The following PDE1C variants were observed in gnomAD, a reference collection of about 807,000 sequenced individuals.
PDE1C encodes phosphodiesterase 1C.
A neutral mutation model predicts 93.1 loss-of-function variants in PDE1C; 62 were observed. The ratio of observed to expected loss-of-function variants is 0.67; its 90% CI spans 0.54 to 0.82. The LOEUF (loss-of-function observed/expected upper bound fraction) is 0.82. Among genes scored for constraint, PDE1C ranks in the 40% least tolerant of loss-of-function variants. The probability of loss-of-function intolerance (pLI) is 0.00; values close to 1 mark genes in which losing one functional copy is unlikely to be tolerated. For synonymous variants in PDE1C, 325 were observed against 310.1 expected (o/e 1.05, Z -0.50); for missense variants, 742 against 884.6 (o/e 0.84, Z 2.04).
At chr7:32,189,046 A>G (rs6462339) in intron 2 of PDE1C, among the ~76,000 whole-genome samples, 45,905 of 152,090 alleles carry the variant, frequency 0.3, 8,591 homozygotes, top group African/African-American at 0.52. Context: ...ATCTGTCCTT[A>G]TCCAACTGAT....
chr7:31,995,090 T>C (rs1784560416), intron 2 of PDE1C, among the ~76,000 whole-genome samples: 2 of 152,226 alleles, frequency 1.3e-5, no homozygotes, highest in South Asian at 4.1e-4. Flanking sequence ...TCTTTGCTAG[T>C]TTCATAAAAA....
chr7:32,078,409 T>C (rs1429992413), intron 3 of PDE1C, among the ~76,000 whole-genome samples: 2 of 152,278 alleles, frequency 1.3e-5, no homozygotes, highest in Admixed American at 1.3e-4. Context: ...TAAGAAAAGA[T>C]GCCCACTAAA....
chr7:32,131,872 T>C (rs1799938321), intron 3 of PDE1C, among the ~76,000 whole-genome samples: 1 of 152,244 alleles, frequency 6.6e-6, no homozygotes, highest in Admixed American at 6.5e-5. Context: ...ATGGAGTTTA[T>C]AGTTGGGAGA....
chr7:32,099,473 T>C (rs1797936075), intron 3 of PDE1C, among the ~76,000 whole-genome samples: 1 of 152,252 alleles, frequency 6.6e-6, no homozygotes, highest in Non-Finnish European at 1.5e-5. Context: ...GATTAAGAGA[T>C]ATTCCAGGTC....
intron 14 of PDE1C, among the ~76,000 whole-genome samples, chr7:31,822,082 C>A (rs996460543): frequency 8.5e-5 from 13 of 152,204 alleles, no homozygotes; most frequent in African/African-American, 2.9e-4. Flanking sequence ...GAATGAAATT[C>A]TGTAGTAATG....
intron 2 of PDE1C, among the ~76,000 whole-genome samples, chr7:32,008,461 T>G (rs1786574656): frequency 6.6e-6 from 1 of 152,176 alleles, no homozygotes; most frequent in African/African-American, 2.4e-5. Context: ...TGAACTACAC[T>G]CGAGTACAAG....
intron 1 of PDE1C, among the ~76,000 whole-genome samples, chr7:32,317,975 A>G (rs1242912900): frequency 6.6e-6 from 1 of 152,178 alleles, no homozygotes; most frequent in Non-Finnish European, 1.5e-5. Context: ...GTGATGCCTT[A>G]CCATAAAGAG....
chr7:31,931,177 C>T (rs149549895), intron 2 of PDE1C, among the ~76,000 whole-genome samples: 2 of 152,106 alleles, frequency 1.3e-5, no homozygotes, highest in African/African-American at 4.8e-5. Flanking sequence ...AAAACTGGCA[C>T]AAGACAAGGA....
At chr7:32,357,498 C>T (rs979539545) in intron 1 of PDE1C, among the ~76,000 whole-genome samples, 1 of 152,132 alleles carries the variant, frequency 6.6e-6, no homozygotes, top group Admixed American at 6.5e-5. Context: ...AGAATGGAAC[C>T]ATTTTAACAG....
At chr7:32,078,455 G>A (rs1257832777) in intron 3 of PDE1C, among the ~76,000 whole-genome samples, 1 of 152,152 alleles carries the variant, frequency 6.6e-6, no homozygotes, top group African/African-American at 2.4e-5. Context: ...CTTGAAGAAA[G>A]GAGGTCTCTT....
intron 1 of PDE1C, among the ~76,000 whole-genome samples, chr7:32,349,181 G>A (rs1301504941): frequency 1.3e-5 from 2 of 152,196 alleles, no homozygotes; most frequent in East Asian, 3.9e-4. Context: ...TGTCACAGAA[G>A]GTTCACAGAC....
the PDE1C span, among the ~76,000 whole-genome samples, chr7:31,632,932 G>A: frequency 6.6e-6 from 1 of 151,742 alleles, no homozygotes; most frequent in Non-Finnish European, 1.5e-5. Context: ...CTGTCGCCAG[G>A]CTGGAGTGCT....
At chr7:32,039,535 G>A (rs911379794) in intron 2 of PDE1C, among the ~76,000 whole-genome samples, 9 of 152,152 alleles carry the variant, frequency 5.9e-5, no homozygotes, top group South Asian at 2.1e-4. Context: ...GCAGGACAAC[G>A]GGGACGACCC....
At chr7:31,655,823 C>T in the PDE1C span, 3 of 985,482 alleles carry the variant, frequency 3.0e-6, no homozygotes, top group Non-Finnish European at 2.4e-6. Context: ...AGACTCCGAG[C>T]TCTCCTGCAG....
chr7:32,164,957 G>C (rs1802142111), intron 3 of PDE1C, among the ~76,000 whole-genome samples: 1 of 152,174 alleles, frequency 6.6e-6, no homozygotes, highest in Admixed American at 6.5e-5. Context: ...CAGGTTTAAA[G>C]GGATAAAATG....
At chr7:32,231,403 TA>T (rs1807681124) in intron 1 of PDE1C, among the ~76,000 whole-genome samples, 1 of 152,132 alleles carries the variant, frequency 6.6e-6, no homozygotes, top group Non-Finnish European at 1.5e-5. Context: ...TCAATAAATG[TA>T]AAAATAGTTG....
At chr7:31,685,292 A>T in the PDE1C span, among the ~76,000 whole-genome samples, 1 of 152,200 alleles carries the variant, frequency 6.6e-6, no homozygotes, top group African/African-American at 2.4e-5. Context: ...TGGCTATATA[A>T]CGGCAAGATA....
At chr7:31,714,079 T>C in the PDE1C span, among the ~76,000 whole-genome samples, 1 of 152,226 alleles carries the variant, frequency 6.6e-6, no homozygotes, top group Non-Finnish European at 1.5e-5. Context: ...GATTTTCTAT[T>C]GTCAGGCTGC....
intron 1 of PDE1C, among the ~76,000 whole-genome samples, chr7:32,420,546 T>C (rs1785409907): frequency 7.3e-6 from 1 of 137,514 alleles, no homozygotes; most frequent in African/African-American, 2.8e-5. Context: ...AGAGCAAGGC[T>C]CCATCTCAAA....
Sources: allele counts gnomAD v4.1 joint callset (sites outside exome capture counted in the v4.1 genomes callset), GRCh38; gene constraint gnomAD v4.1.1; transcripts MANE v1.5; gene names NCBI Gene and HGNC (gene_info 2026-07-23, HGNC 2026-07-21).